Variants in TESC observed in about 807,000 individuals in gnomAD.
The protein encoded by TESC is calcineurin B homologous protein 3.
TESC carries 19 observed loss-of-function variants against 31.0 expected under a neutral mutation model. The ratio of observed to expected loss-of-function variants is 0.61; its 90% CI spans 0.43 to 0.90. The LOEUF is 0.90. Among genes scored for constraint, TESC ranks in the 40% least tolerant of loss-of-function variants. The pLI is 0.00. For synonymous variants in TESC, 109 were observed against 114.8 expected (o/e 0.95, Z 0.32); for missense variants, 248 against 303.8 (o/e 0.82, Z 1.36).
chr12:117,084,349 G>A (rs1955188035), intron 1 of TESC, among the ~76,000 whole-genome samples: 1 of 152,192 alleles, frequency 6.6e-6, no homozygotes, highest in African/African-American at 2.4e-5. Flanking sequence ...AGGGGCCCGT[G>A]CAGGCATGAA....
intron 2 of TESC, among the ~76,000 whole-genome samples, chr12:117,060,979 G>A (rs1200780638): frequency 1.3e-5 from 2 of 152,184 alleles, no homozygotes; most frequent in Non-Finnish European, 2.9e-5. Context: ...AGGGCACACT[G>A]ATACTGACAG....
chr12:117,099,104 G>T, intron 1 of TESC, 121 bp downstream of exon 1: 1 of 1,080,390 alleles, frequency 9.3e-7, no homozygotes, highest in Non-Finnish European at 1.2e-6. Flanking sequence ...AGGAGACTGA[G>T]GCGCAGAGAG....
rs553226423 is a variant in TESC, at chr12:117,041,966, G to C, written c.548C>G (p.Thr183Ser). 5.1e-5 allele frequency: 82 copies of C among 1,594,336 alleles called. No individual in the cohort carries two copies. In the Admixed American group the frequency reaches 9.0e-4, roughly 17 times the overall value. Residue 183 changes from threonine (T) to serine (S), a missense_variant, in exon 7 of 8, where the codon ACC (threonine) becomes AGC (serine). Physicochemically the swap from Thr to Ser is moderately conservative, Grantham distance 58 (BLOSUM62 1). Coordinates refer to ENST00000335209, the MANE Select transcript of TESC (RefSeq NM_017899.4). ...MEPDQVYEGI[T>S]FEDFLKIWQG... ...ACCCACCTTCAGGAAGTCCTCGAAG[G>C]TGATCCCCTCGTACACCTGATCAGG... is the stretch of plus-strand genomic sequence containing the variant.
chr12:117,098,872 G>GGC (rs1016976472), intron 1 of TESC, among the ~76,000 whole-genome samples: 6 of 152,166 alleles, frequency 3.9e-5, no homozygotes, highest in African/African-American at 1.4e-4. Context: ...TCAGGTGTGG[G>GGC]GCGCGCGCGC....
intron 1 of TESC, among the ~76,000 whole-genome samples, chr12:117,098,075 G>C (rs1242889006): frequency 1.3e-5 from 2 of 152,178 alleles, no homozygotes; most frequent in Admixed American, 6.5e-5. Flanking sequence ...CTCCTGGAAA[G>C]GGGTATTTAG....
intron 6 of TESC, among the ~76,000 whole-genome samples, chr12:117,045,771 A>G (rs984059868): frequency 3.9e-5 from 6 of 152,210 alleles, no homozygotes; most frequent in African/African-American, 1.4e-4. Context: ...CTTTAGACAC[A>G]CAGGGGCAAA....
At chr12:117,063,841 C>T (rs1000338477) in intron 2 of TESC, among the ~76,000 whole-genome samples, 1 of 152,218 alleles carries the variant, frequency 6.6e-6, no homozygotes, top group East Asian at 1.9e-4. Flanking sequence ...CTGCATGTCA[C>T]TCAGCACATG....
At chr12:117,085,201 G>C (rs958142161) in intron 1 of TESC, among the ~76,000 whole-genome samples, 1 of 152,102 alleles carries the variant, frequency 6.6e-6, no homozygotes, top group Non-Finnish European at 1.5e-5. Flanking sequence ...AGGGAGCCTC[G>C]GGCTCTTCAG....
In TESC at chr12:117,072,305, C is replaced by T. The variant is rs76351572; in HGVS notation, c.128+2966G>A. 4.3e-3 allele frequency among the ~76,000 whole-genome samples: 651 copies of T among 152,222 alleles called. 5 individuals are homozygous for T. The highest frequency in any genetic ancestry group is 0.015 in the African/African-American group (606 of 41,520). On this transcript the variant is annotated intron_variant, in intron 2 of 7. Coordinates refer to ENST00000335209, the MANE Select transcript of TESC (RefSeq NM_017899.4). The stretch of plus-strand genomic sequence containing the variant: ...AGAGATGGGGTCTCACTGTGTTGCC[C>T]AGGTTGGGCTCAAGCGATCCTCCAG...
intron 2 of TESC, among the ~76,000 whole-genome samples, chr12:117,064,083 C>T (rs1328799033): frequency 1.3e-5 from 2 of 152,154 alleles, no homozygotes; most frequent in Non-Finnish European, 2.9e-5. Context: ...TACCACCACA[C>T]CCAATTTATT....
intron 5 of TESC, 54 bp from the exon 6 acceptor site, chr12:117,046,720 G>C (rs1313882788): frequency 1.0e-5 from 16 of 1,552,932 alleles, no homozygotes; most frequent in African/African-American, 8.2e-5. Flanking sequence ...CAGGGTCGTG[G>C]GGGGCAGAGG....
chr12:117,054,263 C>A (rs996688387), intron 3 of TESC, among the ~76,000 whole-genome samples: 2 of 152,102 alleles, frequency 1.3e-5, no homozygotes, highest in Admixed American at 1.3e-4. Flanking sequence ...CCCCTACAAC[C>A]AACCAGCAGT....
intron 1 of TESC, among the ~76,000 whole-genome samples, chr12:117,075,986 T>TATA (rs57433077): frequency 1.2e-5 from 1 of 86,416 alleles, no homozygotes; most frequent in East Asian, 2.3e-4. Flanking sequence ...TATATATATA[T>TATA]TTTTTTTTTT....
At chr12:117,083,021 A>C (rs989819245) in intron 1 of TESC, among the ~76,000 whole-genome samples, 4 of 151,766 alleles carry the variant, frequency 2.6e-5, no homozygotes, top group African/African-American at 7.2e-5. Context: ...CGTGGAAAAC[A>C]GTTTGGTAGT....
At chr12:117,083,297 T>A (rs533753700) in intron 1 of TESC, among the ~76,000 whole-genome samples, 24 of 152,288 alleles carry the variant, frequency 1.6e-4, no homozygotes, top group Non-Finnish European at 3.2e-4. Flanking sequence ...TGTGCTGGCC[T>A]TGAACTCCTG....
At chr12:117,099,161 T>G (rs929589623) in intron 1 of TESC, 64 bp downstream of exon 1, 1 of 1,438,512 alleles carries the variant, frequency 7.0e-7, no homozygotes, top group Non-Finnish European at 9.1e-7. Context: ...CGGGCCGGGG[T>G]CCCCAACAGT....
chr12:117,048,585 G>C (rs556734090), intron 4 of TESC: 1 of 406,612 alleles, frequency 2.5e-6, no homozygotes, highest in Non-Finnish European at 5.0e-6. Flanking sequence ...ATGGAGGAGG[G>C]AGAGGAGGAA....
intron 1 of TESC, 31 bp downstream of exon 1, chr12:117,099,194 G>C: frequency 6.8e-7 from 1 of 1,477,020 alleles, no homozygotes; most frequent in Non-Finnish European, 8.9e-7. Flanking sequence ...GTCCCGCCCC[G>C]GTCCCCGCGC....
chr12:117,052,487 T>A (rs1954662487), intron 3 of TESC, among the ~76,000 whole-genome samples: 1 of 152,108 alleles, frequency 6.6e-6, no homozygotes, highest in Non-Finnish European at 1.5e-5. Flanking sequence ...AAACCCTTTT[T>A]AAAATCATCC....
Sources: allele counts gnomAD v4.1 joint callset (sites outside exome capture counted in the v4.1 genomes callset), GRCh38; gene constraint gnomAD v4.1.1; transcripts MANE v1.5; gene names NCBI Gene and HGNC (gene_info 2026-07-23, HGNC 2026-07-21).